RBM22: variants seen among roughly 807,000 people sequenced by gnomAD.
RBM22 encodes pre-mRNA-splicing factor RBM22.
A neutral mutation model predicts 50.1 loss-of-function variants in RBM22; 1 was observed. The ratio of observed to expected loss-of-function variants is 0.02; its 90% CI spans 0.01 to 0.09. The LOEUF is 0.09. RBM22 is among the 10% of genes least tolerant of loss of function. The probability of loss-of-function intolerance (pLI) is 1.00; values close to 1 mark genes in which losing one functional copy is unlikely to be tolerated. For missense variants in RBM22, 264 were observed against 529.3 expected (o/e 0.50, Z 4.92); for synonymous variants, 152 against 179.0 (o/e 0.85, Z 1.20).
At chr5:150,694,413 T>A in intron 7 of RBM22, 173 bp from the exon 8 acceptor site, 5 of 1,022,276 alleles carry the variant, frequency 4.9e-6, no homozygotes, top group Non-Finnish European at 6.6e-6. Context: ...TGGGTGCTGC[T>A]GATTGAGAGA....
At chr5:150,693,882 G>C (rs1006795543) in intron 8 of RBM22, among the ~76,000 whole-genome samples, 194 bp downstream of exon 8, 2 of 152,104 alleles carry the variant, frequency 1.3e-5, no homozygotes, top group African/African-American at 4.8e-5. Context: ...CCAACCCCCT[G>C]AATACATTTC....
At chr5:150,700,270 G>A (rs756769905) in intron 2 of RBM22, among the ~76,000 whole-genome samples, 174 bp downstream of exon 2, 4 of 152,220 alleles carry the variant, frequency 2.6e-5, no homozygotes, top group Non-Finnish European at 5.9e-5. Flanking sequence ...CATTACAGGA[G>A]TGTTACCGGA....
chr5:150,694,298 A>C, intron 7 of RBM22, 58 bp from the exon 8 acceptor site: 2 of 1,555,604 alleles, frequency 1.3e-6, no homozygotes, highest in Non-Finnish European at 1.7e-6. Flanking sequence ...TGTACCCAGG[A>C]GACTGAAAAT....
At chr5:150,693,055 GA>G (rs754474821) in intron 9 of RBM22, 29 bp from the exon 10 acceptor site, 4 of 1,592,014 alleles carry the variant, frequency 2.5e-6, no homozygotes, top group Non-Finnish European at 2.6e-6. Context: ...TCAACACATA[GA>G]GGGGAGAACA....
chr5:150,695,188 G>A lies in RBM22; in HGVS notation c.746+318C>T, dbSNP rs752834171. 45 of 238,560 alleles carry A rather than the reference G, an allele frequency of 1.9e-4. 1 individual carries two copies. Among genetic ancestry groups the A allele is most frequent in the Non-Finnish European group, 3.0e-4 (36 of 120,740 alleles). The allele number at this position is 238,560 out of a possible 1,614,324, so 14.8% of individuals were successfully genotyped here. On this transcript the variant is annotated intron_variant, in intron 7 of 10. Transcript: ENST00000199814. ...ACTACAGGCACATGCCACCACACCC[G>A]GCTAATTTTTTTGATTTCTTAGTAG...
intron 1 of RBM22, 91 bp from the exon 2 acceptor site, chr5:150,700,588 G>C (rs1199510237): frequency 3.8e-6 from 6 of 1,591,698 alleles, no homozygotes; most frequent in African/African-American, 1.3e-5. Flanking sequence ...CGGGAAGCGA[G>C]GGTGGGGAAC....
At position 150,695,567 on chromosome 5, in the gene RBM22, T is replaced by C. The variant is rs780680359; in HGVS notation, c.685A>G (p.Lys229Glu). The C allele has an allele frequency of 6.2e-7, 1 of 1,614,096 alleles. No individual in the cohort carries two copies. The highest frequency in any genetic ancestry group is 8.5e-7 in the Non-Finnish European group (1 of 1,180,008). Reference sequence around the variant, plus strand: ...CCAACATATAGTGTGGTGATAGTTTTATCCTCTGGTGGGTCCAGCCGAGGC... The same window carrying C: ...CCAACATATAGTGTGGTGATAGTTTCATCCTCTGGTGGGTCCAGCCGAGGC... ...TMPRLDPPED[K>E]TITTLYVGGL... Residue 229 changes from lysine (K) to glutamate (E), a missense_variant, in exon 7 of 11, where the codon AAA (lysine) becomes GAA (glutamate). By Grantham distance (56) the Lys-to-Glu change is moderately conservative. This residue lies in a region of RBM22 where 62 missense variants were observed against 102.6 expected (regional missense o/e 0.60). Transcript: ENST00000199814.
intron 2 of RBM22, among the ~76,000 whole-genome samples, chr5:150,700,030 G>C (rs1759324847): frequency 6.6e-6 from 1 of 152,184 alleles, no homozygotes; most frequent in Non-Finnish European, 1.5e-5. Context: ...ACTTTAAAGA[G>C]ATAAAGTACA....
rs1759274418 is a variant in RBM22, at chr5:150,696,176, C to G, written c.545+357G>C. The stretch of plus-strand genomic sequence containing the variant: ...AAGAACTCCTAATCCAGATGCTTGG[C>G]AGTCTTAACCAAAACATACACACCC... On this transcript the variant is annotated intron_variant, in intron 6 of 10. Transcript: ENST00000199814. The surrounding 1 kb of genome is among the most constrained non-coding windows in gnomAD (Gnocchi z 4.3). Among the ~76,000 whole-genome samples, 1 of 151,904 alleles carries G rather than the reference C, an allele frequency of 6.6e-6. No homozygotes were observed. Among genetic ancestry groups the G allele is most frequent in the Admixed American group, 6.6e-5 (1 of 15,236 alleles).
At chr5:150,700,063 G>A (rs1350637325) in intron 2 of RBM22, among the ~76,000 whole-genome samples, 1 of 152,190 alleles carries the variant, frequency 6.6e-6, no homozygotes, top group African/African-American at 2.4e-5. Context: ...CATTTGACCA[G>A]GATTCAGGAA....
Position 150,693,216 on chromosome 5 carries a change from C to T in RBM22, c.1000+3G>A. ...CTGAAGTCAGCAGGGAGTCTGCACT[C>T]ACCTCCTGGCAATCCTGGAACAGGT... On this transcript the variant is annotated splice_donor_region_variant and intron_variant, in intron 9 of 10. Coordinates refer to ENST00000199814, the MANE Select transcript of RBM22 (RefSeq NM_018047.3). 6.2e-7 allele frequency: 1 copy of T among 1,611,590 alleles called. No individual in the cohort carries two copies. Among genetic ancestry groups the T allele is most frequent in the African/African-American group, 1.3e-5 (1 of 74,970 alleles).
rs1430473997 is a variant in RBM22 at position 150,696,477 on chromosome 5, C to A, written c.545+56G>T. 1.3e-6 allele frequency: 2 copies of A among 1,539,088 alleles called. No homozygotes were observed. The highest frequency in any genetic ancestry group is 4.5e-5 in the East Asian group (2 of 44,306). ...AAACAGTTTAAGTTAGGACCTCCCA[C>A]TTCTTAGATGAGAAATCATCTGAAA... On this transcript the variant is annotated intron_variant, in intron 6 of 10. Coordinates refer to ENST00000199814, the MANE Select transcript of RBM22 (RefSeq NM_018047.3). This position sits in a 1 kb window ranked among gnomAD's most constrained non-coding sequence, Gnocchi z 4.3.
At chr5:150,695,234 G>C (rs1241913071) in intron 7 of RBM22, 1 of 403,800 alleles carries the variant, frequency 2.5e-6, no homozygotes, top group Non-Finnish European at 4.5e-6. Context: ...TCACTATGTT[G>C]CTCAGGCTGG....
At chr5:150,700,757 C>A in intron 1 of RBM22, 175 bp downstream of exon 1, 2 of 1,544,746 alleles carry the variant, frequency 1.3e-6, no homozygotes, top group South Asian at 1.2e-5. Flanking sequence ...GCTAAGCCCC[C>A]TCCCTTCAAG....
chr5:150,698,656 G>C (rs749471166), intron 3 of RBM22, 25 bp from the exon 4 acceptor site: 9 of 1,612,796 alleles, frequency 5.6e-6, no homozygotes, highest in African/African-American at 1.3e-5. Flanking sequence ...AAGAGCCATA[G>C]AATGTCAATG....
Position 150,700,929 on chromosome 5 carries a change from C to T in RBM22, c.54+3G>A, listed in dbSNP as rs1156375744. On this transcript the variant is annotated splice_donor_region_variant and intron_variant, in intron 1 of 10. Transcript: ENST00000199814. ...TCCATCCTCCTCCGGCAGGCACACT[C>T]ACCGCATCCTCCCAGTTCTGCCTGT... 5.0e-6 allele frequency: 8 copies of T among 1,614,140 alleles called. No homozygotes were observed. Among genetic ancestry groups the T allele is most frequent in the Non-Finnish European group, 6.8e-6 (8 of 1,180,050 alleles).
In RBM22 at chr5:150,693,258, A is replaced by T; in HGVS notation, c.961T>A (p.Ser321Thr). 1 of 1,614,058 alleles carries T rather than the reference A, an allele frequency of 6.2e-7. No individual in the cohort carries two copies. Among genetic ancestry groups the T allele is most frequent in the South Asian group, 1.1e-5 (1 of 91,076 alleles). ...GGAACAGGTTCTAGTTTGATCCCAG[A>T]GTCTGTAGTTCCATCTTTCTCTTTT... is the stretch of plus-strand genomic sequence containing the variant. ...KEKEKDGTTDSGIKLEPVPGL... is the reference protein window; with the variant it reads ...KEKEKDGTTDTGIKLEPVPGL... The change falls in exon 9 of 11, where the codon TCT becomes ACT. Residue 321 changes from serine (S) to threonine (T), a missense_variant. Ser to Thr is a moderately conservative substitution (Grantham distance 58, BLOSUM62 1). This residue lies in a region of RBM22 where 106 missense variants were observed against 137.1 expected (regional missense o/e 0.77). Transcript: ENST00000199814.
chr5:150,700,304 G>T, intron 2 of RBM22, 140 bp downstream of exon 2: 1 of 776,324 alleles, frequency 1.3e-6, no homozygotes, highest in Non-Finnish European at 2.1e-6. Flanking sequence ...ACACATGACA[G>T]TTCTTTGCAA....
chr5:150,699,393 A>G, intron 2 of RBM22, 122 bp from the exon 3 acceptor site: 1 of 1,343,726 alleles, frequency 7.4e-7, no homozygotes, highest in Non-Finnish European at 9.8e-7. Context: ...CTAGAGAGAG[A>G]AAAACAGCAA....
Sources: gnomAD v4.1 joint callset for allele counts (sites outside exome capture counted in the v4.1 genomes callset) on GRCh38, gnomAD v4.1.1 for gene constraint, gnomAD v4.1.1 regional missense constraint, Gnocchi (gnomAD v3.1) non-coding constraint, MANE v1.5 for transcripts, NCBI Gene and HGNC (gene_info 2026-07-23, HGNC 2026-07-21) for gene names.